Variants in GABRB1 observed in about 807,000 individuals in gnomAD.
GABRB1 encodes gamma-aminobutyric acid type A receptor subunit beta1, also known as gamma-aminobutyric acid receptor subunit beta-1.
Under a neutral mutation model 51.6 loss-of-function variants are expected in GABRB1, and 17 were observed. The ratio of observed to expected loss-of-function variants is 0.33; its 90% CI spans 0.23 to 0.49. The LOEUF is 0.49. Ranked by LOEUF, GABRB1 falls within the 20% of genes least tolerant of loss-of-function variation. GABRB1 has a pLI of 0.99. For missense variants in GABRB1, 410 were observed against 600.6 expected, an observed-to-expected ratio of 0.68 and a Z score of 3.32; for synonymous variants, 247 against 218.9, an observed-to-expected ratio of 1.13 and a Z score of -1.14.
At chr4:47,120,034 T>C (rs1055830413) in intron 3 of GABRB1, among the ~76,000 whole-genome samples, 8 of 152,156 alleles carry the variant, frequency 5.3e-5, no homozygotes, top group Admixed American at 2.0e-4. Context: ...GTCAATTTGA[T>C]GTTGCTGAAA....
intron 4 of GABRB1, among the ~76,000 whole-genome samples, chr4:47,218,879 G>A (rs1161835151): frequency 6.6e-6 from 1 of 151,834 alleles, no homozygotes; most frequent in Non-Finnish European, 1.5e-5. Context: ...GAAATAATAT[G>A]TGGTTTCTAC....
chr4:47,350,571 T>C (rs947755428), intron 5 of GABRB1, among the ~76,000 whole-genome samples: 1 of 151,818 alleles, frequency 6.6e-6, no homozygotes, highest in African/African-American at 2.4e-5. Context: ...ATCAAAACAC[T>C]CAATGAATAT....
chr4:47,336,868 G>T (rs1222164795), intron 5 of GABRB1, among the ~76,000 whole-genome samples: 1 of 152,192 alleles, frequency 6.6e-6, no homozygotes, highest in Admixed American at 6.5e-5. Context: ...GCAGTTATTG[G>T]TCATAACAAG....
intron 4 of GABRB1, among the ~76,000 whole-genome samples, chr4:47,279,524 T>A (rs2109905090): frequency 6.6e-6 from 1 of 152,272 alleles, no homozygotes; most frequent in South Asian, 2.1e-4. Flanking sequence ...GGGAAGGCCC[T>A]TTGATCCACC....
At chr4:47,077,769 T>A (rs1727619858) in intron 3 of GABRB1, among the ~76,000 whole-genome samples, 2 of 146,698 alleles carry the variant, frequency 1.4e-5, no homozygotes, top group South Asian at 4.2e-4. Flanking sequence ...AGTAGTCTTT[T>A]AAAAGCCTCA....
At chr4:47,235,917 A>G (rs1274413051) in intron 4 of GABRB1, among the ~76,000 whole-genome samples, 1 of 152,122 alleles carries the variant, frequency 6.6e-6, no homozygotes, top group Admixed American at 6.6e-5. Context: ...GCTGTTTCAC[A>G]ATGTCTTATC....
intron 3 of GABRB1, among the ~76,000 whole-genome samples, chr4:47,045,634 A>G (rs1396798416): frequency 1.3e-5 from 2 of 151,988 alleles, no homozygotes; most frequent in Non-Finnish European, 2.9e-5. Flanking sequence ...GCTTGGTTCA[A>G]AGACAGCCTT....
rs145229057 is a variant in GABRB1, at chr4:47,235,573, A to G, written c.461+74104A>G. 1.3e-3 allele frequency among the ~76,000 whole-genome samples: 190 copies of G among 151,450 alleles called. 1 individual carries two copies. Among genetic ancestry groups the G allele is most frequent in the African/African-American group, 4.5e-3 (185 of 41,416 alleles). ...AAAAAAAAACCAAAAAAAAAAAACT[A>G]GGTTCATAGCATTTTATATCTAGAA... On this transcript the variant is annotated intron_variant, in intron 4 of 8. Coordinates refer to ENST00000295454, the MANE Select transcript of GABRB1 (RefSeq NM_000812.4).
chr4:47,251,097 G>A (rs1578035158), intron 4 of GABRB1, among the ~76,000 whole-genome samples: 1 of 152,260 alleles, frequency 6.6e-6, no homozygotes, highest in South Asian at 2.1e-4. Context: ...GGAAGGTCTA[G>A]GGCTGAAGGC....
At chr4:47,306,786 C>T (rs1054764521) in intron 4 of GABRB1, among the ~76,000 whole-genome samples, 12 of 152,192 alleles carry the variant, frequency 7.9e-5, no homozygotes, top group African/African-American at 2.4e-4. Flanking sequence ...AAGACATACC[C>T]ATGTTCATAC....
At chr4:47,370,977 G>C (rs1281974064) in intron 5 of GABRB1, among the ~76,000 whole-genome samples, 2 of 151,778 alleles carry the variant, frequency 1.3e-5, no homozygotes, top group Admixed American at 6.6e-5. Flanking sequence ...AGGATGTGCA[G>C]GTTTGTTACA....
chr4:47,386,290 G>A (rs1050025520), intron 5 of GABRB1, among the ~76,000 whole-genome samples: 2 of 152,148 alleles, frequency 1.3e-5, no homozygotes, highest in African/African-American at 4.8e-5. Context: ...CTCTGTGTCA[G>A]GAATGAGGGA....
At chr4:47,074,523 A>C in intron 3 of GABRB1, among the ~76,000 whole-genome samples, 1 of 152,320 alleles carries the variant, frequency 6.6e-6, no homozygotes, top group Middle Eastern at 3.4e-3. Flanking sequence ...CATTTCTTAC[A>C]TAATTCTTAC....
At chr4:47,069,610 G>A (rs1252191444) in intron 3 of GABRB1, among the ~76,000 whole-genome samples, 4 of 152,020 alleles carry the variant, frequency 2.6e-5, no homozygotes, top group Non-Finnish European at 5.9e-5. Context: ...ACACCTCTCA[G>A]TGCTACTCCT....
At chr4:47,256,229 C>T (rs1481124892) in intron 4 of GABRB1, among the ~76,000 whole-genome samples, 1 of 152,146 alleles carries the variant, frequency 6.6e-6, no homozygotes, top group African/African-American at 2.4e-5. Flanking sequence ...TTTAAGGACT[C>T]ATGGTCTGTA....
At chr4:47,195,473 AGATAGATAG>A (rs1453664066) in intron 4 of GABRB1, among the ~76,000 whole-genome samples, 28 of 88,268 alleles carry the variant, frequency 3.2e-4, no homozygotes, top group Non-Finnish European at 6.3e-4. Flanking sequence ...ATAGATAGAT[AGATAGATAG>A]ATAGATAGAT....
intron 5 of GABRB1, among the ~76,000 whole-genome samples, chr4:47,332,265 C>T (rs1203697112): frequency 6.6e-6 from 1 of 152,190 alleles, no homozygotes; most frequent in Non-Finnish European, 1.5e-5. Context: ...AATACTATTC[C>T]CCCAAATCAC....
intron 4 of GABRB1, among the ~76,000 whole-genome samples, chr4:47,216,696 T>C (rs1720567489): frequency 6.6e-6 from 1 of 151,920 alleles, no homozygotes; most frequent in Non-Finnish European, 1.5e-5. Context: ...CTATTTCATA[T>C]CCATCTGATT....
chr4:47,084,826 C>T lies in GABRB1; in HGVS notation c.240+52342C>T, dbSNP rs1032255053. Reference sequence around the variant, plus strand: ...CTTAAAGATGAGGCAAGGATAGAAACCCTCTGTTACCCACTTTGAGTTGGC... The same window carrying T: ...CTTAAAGATGAGGCAAGGATAGAAATCCTCTGTTACCCACTTTGAGTTGGC... On this transcript the variant is annotated intron_variant, in intron 3 of 8. Coordinates refer to ENST00000295454, the MANE Select transcript of GABRB1 (RefSeq NM_000812.4). 1.3e-4 allele frequency among the ~76,000 whole-genome samples: 20 copies of T among 152,296 alleles called. No homozygotes were observed. In the East Asian group the frequency reaches 3.7e-3, roughly 28 times the overall value.
Sources: allele counts gnomAD v4.1 joint callset (sites outside exome capture counted in the v4.1 genomes callset), GRCh38; gene constraint gnomAD v4.1.1; transcripts MANE v1.5; gene names NCBI Gene and HGNC (gene_info 2026-07-23, HGNC 2026-07-21).